The following SYT2 variants were observed in gnomAD, a reference collection of about 807,000 sequenced individuals.
SYT2 encodes the protein synaptotagmin-2.
Under a neutral mutation model 39.9 loss-of-function variants are expected in SYT2, and 15 were observed. That is an observed-to-expected ratio of 0.38 (90% CI 0.25 to 0.58). SYT2 has a LOEUF of 0.58. Ranked by LOEUF, SYT2 falls within the 20% of genes least tolerant of loss-of-function variation. SYT2 has a pLI of 0.70. For synonymous variants in SYT2, 181 were observed against 204.5 expected, an observed-to-expected ratio of 0.89 and a Z score of 0.98; for missense variants, 389 against 530.3, an observed-to-expected ratio of 0.73 and a Z score of 2.62.
intron 1 of SYT2, among the ~76,000 whole-genome samples, chr1:202,625,098 A>G (rs62642834): frequency 0.01 from 42 of 4,134 alleles, no homozygotes; most frequent in South Asian, 0.024. Flanking sequence ...TGTGTGTGGT[A>G]TGTGTGTGGT....
chr1:202,619,236 T>C lies in SYT2; in HGVS notation c.-17-13447A>G, dbSNP rs1236103560. 2.0e-5 allele frequency among the ~76,000 whole-genome samples: 3 copies of C among 152,070 alleles called. No homozygotes were observed. The South Asian group carries it at 6.2e-4, about 32-fold the overall frequency. Reference sequence around the variant, plus strand: ...GGGGAGAGCAGCCAGCTGGAAGACTTGAGGATGATAAATGGATCAGGGTGC... The same window carrying C: ...GGGGAGAGCAGCCAGCTGGAAGACTCGAGGATGATAAATGGATCAGGGTGC... On this transcript the variant is annotated intron_variant, in intron 1 of 8. Coordinates refer to ENST00000367268, the MANE Select transcript of SYT2 (RefSeq NM_177402.5).
intron 1 of SYT2, among the ~76,000 whole-genome samples, chr1:202,709,965 C>G (rs902373061): frequency 1.3e-5 from 2 of 151,908 alleles, no homozygotes; most frequent in African/African-American, 4.8e-5. Flanking sequence ...GTGGCCCGCC[C>G]CTCTCTGCAG....
chr1:202,648,401 C>T (rs980780855), intron 1 of SYT2, among the ~76,000 whole-genome samples: 3 of 152,158 alleles, frequency 2.0e-5, no homozygotes, highest in African/African-American at 7.2e-5. Flanking sequence ...AGGCTGGTCT[C>T]GAACTCCTGA....
intron 1 of SYT2, among the ~76,000 whole-genome samples, chr1:202,624,111 TAGG>T (rs1332209283): frequency 6.6e-6 from 1 of 152,096 alleles, no homozygotes; most frequent in Admixed American, 6.6e-5. Context: ...AGCCTTTTAA[TAGG>T]AGTGCGTGAG....
intron 1 of SYT2, among the ~76,000 whole-genome samples, chr1:202,707,853 G>C (rs1381698004): frequency 6.6e-6 from 1 of 152,228 alleles, no homozygotes; most frequent in African/African-American, 2.4e-5. Context: ...CCCAGGGCTT[G>C]AGAAGGGCAA....
At chr1:202,630,656 G>A (rs189807236) in intron 1 of SYT2, among the ~76,000 whole-genome samples, 134 of 152,252 alleles carry the variant, frequency 8.8e-4, no homozygotes, top group Non-Finnish European at 1.5e-3. Context: ...TGACACAGCC[G>A]AACACACCCC....
chr1:202,699,738 A>G (rs1654065050), intron 1 of SYT2, among the ~76,000 whole-genome samples: 1 of 152,148 alleles, frequency 6.6e-6, no homozygotes, highest in African/African-American at 2.4e-5. Flanking sequence ...ATGACAGAAT[A>G]TACAGGGAGC....
At chr1:202,624,865 G>GGT (rs1318458663) in intron 1 of SYT2, among the ~76,000 whole-genome samples, 1 of 82,190 alleles carries the variant, frequency 1.2e-5, no homozygotes, top group Non-Finnish European at 2.6e-5. Context: ...TAGGGTGTGT[G>GGT]GTGTGTGTGT....
chr1:202,690,831 C>G (rs1341523888), intron 1 of SYT2, among the ~76,000 whole-genome samples: 4 of 152,148 alleles, frequency 2.6e-5, no homozygotes, highest in African/African-American at 9.7e-5. Context: ...CTTCCTTGAC[C>G]TAGAAGATAA....
intron 1 of SYT2, among the ~76,000 whole-genome samples, chr1:202,639,212 T>G (rs1691832490): frequency 6.6e-6 from 1 of 152,230 alleles, no homozygotes; most frequent in Non-Finnish European, 1.5e-5. Context: ...TGTTCTATTC[T>G]GCAAAATGGG....
chr1:202,604,244 A>G (rs1690620827), intron 3 of SYT2: 1 of 558,454 alleles, frequency 1.8e-6, no homozygotes, highest in African/African-American at 1.9e-5. Context: ...CTTTCCAGGG[A>G]TGAGTTCATG....
At chr1:202,608,282 CAT>C (rs1491335901) in intron 1 of SYT2, among the ~76,000 whole-genome samples, 28 of 113,458 alleles carry the variant, frequency 2.5e-4, no homozygotes, top group East Asian at 1.2e-3. Flanking sequence ...AGATAGAAAA[CAT>C]TTTTTTTTTT....
At chr1:202,612,035 G>C (rs1192020952) in intron 1 of SYT2, among the ~76,000 whole-genome samples, 2 of 152,108 alleles carry the variant, frequency 1.3e-5, no homozygotes, top group African/African-American at 4.8e-5. Flanking sequence ...TTTTCTTCTA[G>C]AAATTAGGTT....
At chr1:202,663,504 C>T (rs1291425474) in intron 1 of SYT2, among the ~76,000 whole-genome samples, 2 of 152,202 alleles carry the variant, frequency 1.3e-5, no homozygotes, top group Non-Finnish European at 2.9e-5. Context: ...TGTTTCTGTT[C>T]ACTCCACTTC....
intron 1 of SYT2, among the ~76,000 whole-genome samples, chr1:202,679,766 C>T (rs1653478939): frequency 6.6e-6 from 1 of 152,170 alleles, no homozygotes; most frequent in South Asian, 2.1e-4. Flanking sequence ...ATGGAAAAAA[C>T]TCCAAACTCC....
chr1:202,634,517 T>G (rs904202432), intron 1 of SYT2, among the ~76,000 whole-genome samples: 1 of 152,096 alleles, frequency 6.6e-6, no homozygotes, highest in African/African-American at 2.4e-5. Context: ...GTATACCATT[T>G]GACAATCCTA....
intron 1 of SYT2, among the ~76,000 whole-genome samples, chr1:202,617,142 C>T (rs1691065542): frequency 6.6e-6 from 1 of 152,204 alleles, no homozygotes; most frequent in Non-Finnish European, 1.5e-5. Context: ...CTTTTGTTTC[C>T]CCTAATACAC....
At chr1:202,626,176 G>A (rs1691399371) in intron 1 of SYT2, among the ~76,000 whole-genome samples, 1 of 152,020 alleles carries the variant, frequency 6.6e-6, no homozygotes, top group Non-Finnish European at 1.5e-5. Flanking sequence ...AATGGGAGGG[G>A]GTGGACTACG....
intron 1 of SYT2, among the ~76,000 whole-genome samples, chr1:202,665,593 A>T (rs1409840078): frequency 6.6e-6 from 1 of 152,110 alleles, no homozygotes; most frequent in East Asian, 1.9e-4. Context: ...ACATCCTACA[A>T]GGCCAGAAGA....
Sources: gnomAD v4.1 joint callset for allele counts (sites outside exome capture counted in the v4.1 genomes callset) on GRCh38, gnomAD v4.1.1 for gene constraint, MANE v1.5 for transcripts, NCBI Gene and HGNC (gene_info 2026-07-23, HGNC 2026-07-21) for gene names.